The following ARHGAP33 variants were observed in gnomAD, a reference collection of about 807,000 sequenced individuals.
ARHGAP33 encodes Rho GTPase activating protein 33, also known as rho GTPase-activating protein 33.
A neutral mutation model predicts 126.2 loss-of-function variants in ARHGAP33; 57 were observed. That is an observed-to-expected ratio of 0.45 (90% CI 0.36 to 0.56). The LOEUF is 0.56. Ranked by LOEUF, ARHGAP33 falls within the 20% of genes least tolerant of loss-of-function variation. The probability of loss-of-function intolerance (pLI) is 0.00; values close to 1 mark genes in which losing one functional copy is unlikely to be tolerated. For missense variants in ARHGAP33, 1,500 were observed against 1,748.3 expected (o/e 0.86, Z 2.53); for synonymous variants, 711 against 755.0 (o/e 0.94, Z 0.95).
At position 35,787,477 on chromosome 19, in the gene ARHGAP33, C is replaced by T. The variant is rs1003021932; in HGVS notation, c.2912C>T (p.Pro971Leu). The T allele has an allele frequency of 1.2e-6, 2 of 1,612,520 alleles. No homozygotes were observed. Among genetic ancestry groups the T allele is most frequent in the Admixed American group, 3.3e-5 (2 of 59,976 alleles). The part of the protein sequence containing the change: ...AWVPGPPPYL[P>L]RQQSDGSLLR... Reference sequence around the variant, plus strand: ...GTCCCGGGACCCCCACCCTACTTACCAAGGCAACAAAGTGATGGGAGCCTG... The same window carrying T: ...GTCCCGGGACCCCCACCCTACTTACTAAGGCAACAAAGTGATGGGAGCCTG... The change falls in exon 21 of 21, where the codon CCA becomes CTA. Residue 971 changes from proline to leucine, a missense_variant. This residue lies in a region of ARHGAP33 where 642 missense variants were observed against 634.0 expected (regional missense o/e 1.01). Coordinates refer to ENST00000007510, the MANE Select transcript of ARHGAP33 (RefSeq NM_001366178.1).
rs1473018268 is a variant in ARHGAP33, at chr19:35,780,575, TC to T, written c.703-5del. ...GTGGCCCAGCTACTGACCCTGACCT[TC>T]CTCAGGTCGGGTTCTTCCCCAGTGA... On this transcript the variant is annotated splice_polypyrimidine_tract_variant and splice_region_variant and intron_variant, in intron 8 of 20. Transcript: ENST00000007510. The T allele has an allele frequency of 6.2e-7, 1 of 1,612,786 alleles. No individual in the cohort carries two copies. Among genetic ancestry groups the T allele is most frequent in the East Asian group, 2.2e-5 (1 of 44,790 alleles).
chr19:35,777,488 C>T (rs371371565), intron 1 of ARHGAP33, 157 bp from the exon 2 acceptor site: 4 of 653,748 alleles, frequency 6.1e-6, no homozygotes, highest in Non-Finnish European at 2.7e-6. Flanking sequence ...GTCCTGTCCT[C>T]AGCCCAGCCC....
intron 6 of ARHGAP33, 129 bp from the exon 7 acceptor site, chr19:35,780,082 C>G (rs1219167521): frequency 7.6e-7 from 1 of 1,318,898 alleles, no homozygotes; most frequent in Non-Finnish European, 1.1e-6. Context: ...GGTGTTTGAC[C>G]AATAGCTCTG....
chr19:35,780,848 C>G, intron 10 of ARHGAP33, 32 bp downstream of exon 10: 1 of 1,613,596 alleles, frequency 6.2e-7, no homozygotes, highest in African/African-American at 1.3e-5. Context: ...GTCCCAGCCC[C>G]TACCCCACCA....
rs1292542486 is a variant in ARHGAP33 at position 35,788,175 on chromosome 19, C to G, written c.3610C>G (p.Pro1204Ala). 6.2e-7 allele frequency: 1 copy of G among 1,608,614 alleles called. No homozygotes were observed. The highest frequency in any genetic ancestry group is 8.5e-7 in the Non-Finnish European group (1 of 1,178,138). ...CCGTTCAGATCCCGGTCCCCCAGTC[C>G]CCCGCCTTCCCCAGAAACAACGGGC... ...RSRSDPGPPV[P>A]RLPQKQRAPW... The change falls in exon 21 of 21, where the codon CCC becomes GCC. Residue 1204 changes from proline to alanine, a missense_variant. Transcript: ENST00000007510.
Position 35,780,488 on chromosome 19 carries a change from G to A in ARHGAP33, c.692G>A (p.Arg231Gln), listed in dbSNP as rs759423493. The A allele has an allele frequency of 1.6e-5, 26 of 1,604,206 alleles. No homozygotes were observed. Among genetic ancestry groups the A allele is most frequent in the Non-Finnish European group, 2.1e-5 (25 of 1,173,396 alleles). Residue 231 changes from arginine (R) to glutamine (Q), a missense_variant, in exon 8 of 21, where the codon CGA becomes CAA. Around this residue, in one of 6 missense-constraint regions of ARHGAP33, gnomAD observed 281 missense variants for 413.7 expected, o/e 0.68. Coordinates refer to ENST00000007510, the MANE Select transcript of ARHGAP33 (RefSeq NM_001366178.1). ...GATCGGAGCTGGTGGCGGGGCAAGC[G>A]AGGCTTCCAGGTGAGTCCAGCTGGG... ...TEDRSWWRGKRGFQVGFFPSE... is the reference protein window; with the variant it reads ...TEDRSWWRGKQGFQVGFFPSE...
In ARHGAP33 at chr19:35,786,264, T is replaced by C. The variant is rs1972105614; in HGVS notation, c.1943-149T>C. ...CTTTGGGCCGGAAGTGTCCTCTTCA[T>C]GGTCTCCACTGTCAATCTGAACAGC... On this transcript the variant is annotated intron_variant, in intron 19 of 20. Coordinates refer to ENST00000007510, the MANE Select transcript of ARHGAP33 (RefSeq NM_001366178.1). This position sits in a 1 kb window ranked among gnomAD's most constrained non-coding sequence, Gnocchi z 7.0. 7.0e-7 allele frequency: 1 copy of C among 1,428,886 alleles called. No homozygotes were observed. The highest frequency in any genetic ancestry group is 2.9e-5 in the Admixed American group (1 of 34,764). 88.5% of individuals were successfully genotyped at this position (1,428,886 alleles called of 1,614,324 possible). A position where few individuals can be genotyped will look rare whatever the true frequency, so the allele number is the denominator to read the frequency against.
chr19:35,786,678 G>A lies in ARHGAP33; in HGVS notation c.2208G>A (p.Arg736=). 6.5e-7 allele frequency: 1 copy of A among 1,535,670 alleles called. No homozygotes were observed. The highest frequency in any genetic ancestry group is 1.2e-5 in the South Asian group (1 of 84,052). The part of the protein sequence containing the change: ...FSPPRCLEGL[R]GLDFDPLTFR... ...CACCCCGCTGCCTGGAGGGACTCCGGGGGCTGGACTTTGATCCCTTAACCT... is the reference window on the plus strand; with the variant it reads ...CACCCCGCTGCCTGGAGGGACTCCGAGGGCTGGACTTTGATCCCTTAACCT... Residue 736 remains arginine, a synonymous_variant, in exon 20 of 21, where the codon CGG becomes CGA. Coordinates refer to ENST00000007510, the MANE Select transcript of ARHGAP33 (RefSeq NM_001366178.1). This position sits in a 1 kb window ranked among gnomAD's most constrained non-coding sequence, Gnocchi z 7.0.
rs1353892574 is a variant in ARHGAP33 at position 35,777,813 on chromosome 19, C to T, written c.105-11C>T. 6.2e-7 allele frequency: 1 copy of T among 1,614,162 alleles called. No individual in the cohort carries two copies. The highest frequency in any genetic ancestry group is 8.5e-7 in the Non-Finnish European group (1 of 1,179,994). ...CAAGGAGCTGCTGGTGACGCATCCC[C>T]TGTCTCCCAGGCTCTCAGCTCCTCG... On this transcript the variant is annotated splice_polypyrimidine_tract_variant and intron_variant, in intron 2 of 20. Transcript: ENST00000007510.
chr19:35,779,598 T>G (rs1453608194), intron 6 of ARHGAP33, among the ~76,000 whole-genome samples: 1 of 146,444 alleles, frequency 6.8e-6, no homozygotes, highest in African/African-American at 2.6e-5. Context: ...CCCGGCTAAT[T>G]TTATATTTTC....
Position 35,779,097 on chromosome 19 carries a change from C to T in ARHGAP33, c.474C>T (p.Asn158=). ...CAGGACTGGTGGACAGTAACCTCAA[C>T]TGCGGGCCTGTGCTCACCTGGATGG... is the stretch of plus-strand genomic sequence containing the variant. ...TLSGLVDSNL[N]CGPVLTWMEL... is the part of the protein sequence containing the mutation. The change falls in exon 6 of 21, where the codon AAC becomes AAT. Residue 158 remains asparagine (N), a synonymous_variant. Transcript: ENST00000007510. 5.8e-6 allele frequency: 9 copies of T among 1,551,822 alleles called. No homozygotes were observed. Among genetic ancestry groups the T allele is most frequent in the Non-Finnish European group, 7.8e-6 (9 of 1,147,168 alleles).
At position 35,787,448 on chromosome 19, in the gene ARHGAP33, C is replaced by T. The variant is rs746832987; in HGVS notation, c.2883C>T (p.Ala961=). ...PPPNSLAHPG[A]WVPGPPPYLP... ...CCAACTCCCTAGCACACCCGGGTGCCTGGGTCCCGGGACCCCCACCCTACT... is the reference window on the plus strand; with the variant it reads ...CCAACTCCCTAGCACACCCGGGTGCTTGGGTCCCGGGACCCCCACCCTACT... The change falls in exon 21 of 21, where the codon GCC becomes GCT. Residue 961 remains alanine (A), a synonymous_variant. Transcript: ENST00000007510. The T allele has an allele frequency of 3.7e-6, 6 of 1,612,134 alleles. No homozygotes were observed. The highest frequency in any genetic ancestry group is 3.3e-5 in the South Asian group (3 of 91,012).
Position 35,787,794 on chromosome 19 carries a change from G to A in ARHGAP33, c.3229G>A (p.Ala1077Thr). The A allele has an allele frequency of 6.3e-7, 1 of 1,596,862 alleles. No individual in the cohort carries two copies. The highest frequency in any genetic ancestry group is 8.5e-7 in the Non-Finnish European group (1 of 1,173,800). The change falls in exon 21 of 21, where the codon GCA becomes ACA. Residue 1077 changes from alanine (A) to threonine (T), a missense_variant. By Grantham distance (58) the Ala-to-Thr change is moderately conservative (BLOSUM62 0). Coordinates refer to ENST00000007510, the MANE Select transcript of ARHGAP33 (RefSeq NM_001366178.1). ...PVWRSSLGPP[A>T]PLDRGENLYY... is the part of the protein sequence containing the mutation. ...CTGGAGGAGCTCTCTGGGCCCCCCTGCACCACTCGACAGGGGAGAGAACCT... is the reference window on the plus strand; with the variant it reads ...CTGGAGGAGCTCTCTGGGCCCCCCTACACCACTCGACAGGGGAGAGAACCT...
chr19:35,780,692 G>A, intron 9 of ARHGAP33, 44 bp downstream of exon 9: 3 of 1,609,236 alleles, frequency 1.9e-6, no homozygotes, highest in Non-Finnish European at 2.5e-6. Flanking sequence ...GGGGTGGGAA[G>A]GGGTGGGGCC....
intron 16 of ARHGAP33, chr19:35,784,645 C>A: frequency 7.7e-7 from 1 of 1,294,612 alleles, no homozygotes; most frequent in South Asian, 2.4e-5. Flanking sequence ...CCAGACTCCC[C>A]GCCCTGCCCC....
intron 1 of ARHGAP33, among the ~76,000 whole-genome samples, chr19:35,776,411 C>T (rs1971463096): frequency 1.3e-5 from 2 of 152,180 alleles, no homozygotes; most frequent in African/African-American, 4.8e-5. Context: ...GCAGGCCCCA[C>T]GCTCCAGGCA....
chr19:35,780,719 T>TC (rs1483247536), intron 9 of ARHGAP33, 38 bp from the exon 10 acceptor site: 1 of 1,613,172 alleles, frequency 6.2e-7, no homozygotes, highest in East Asian at 2.2e-5. Flanking sequence ...GTCTTTTGCC[T>TC]CCCACTCATC....
intron 12 of ARHGAP33, 43 bp downstream of exon 12, chr19:35,781,295 C>A: frequency 6.3e-7 from 1 of 1,581,296 alleles, no homozygotes; most frequent in Non-Finnish European, 8.7e-7. Context: ...AGGCACTCAC[C>A]CAGCACCTCC....
At chr19:35,777,975 A>G in intron 3 of ARHGAP33, 67 bp downstream of exon 3, 2 of 1,559,076 alleles carry the variant, frequency 1.3e-6, no homozygotes, top group East Asian at 4.5e-5. Context: ...CAACGATATC[A>G]GGTGCTTTGC....
Sources: allele counts gnomAD v4.1 joint callset (sites outside exome capture counted in the v4.1 genomes callset), GRCh38; gene constraint gnomAD v4.1.1; regional missense constraint gnomAD v4.1.1; non-coding constraint Gnocchi (gnomAD v3.1); transcripts MANE v1.5; gene names NCBI Gene and HGNC (gene_info 2026-07-23, HGNC 2026-07-21).